AK3: variants seen among roughly 807,000 people sequenced by gnomAD.
AK3 encodes the protein GTP:AMP phosphotransferase AK3, mitochondrial.
Under a neutral mutation model 23.7 loss-of-function variants are expected in AK3, and 27 were observed. The observed-to-expected ratio is 1.14, with a 90% CI of 0.84 to 1.57. The LOEUF (loss-of-function observed/expected upper bound fraction) is 1.57, where lower values mean the gene tolerates loss of function less well. AK3 is among the 40% of genes most tolerant of loss of function. The pLI, the probability that AK3 is intolerant of heterozygous loss-of-function variation, is 0.00. For missense variants in AK3, 406 were observed against 285.6 expected (o/e 1.42, Z -3.04); for synonymous variants, 159 against 116.0 (o/e 1.37, Z -2.38).
chr9:4,721,262 G>A lies in AK3; in HGVS notation c.271+1244C>T, dbSNP rs549768159. Among the ~76,000 whole-genome samples the A allele has an allele frequency of 3.9e-4, 59 of 151,852 alleles. 1 individual carries two copies. The highest frequency in any genetic ancestry group is 1.4e-3 in the African/African-American group (58 of 41,430). The stretch of plus-strand genomic sequence containing the variant: ...TACTAAAAATACAAAAATTAGCCAC[G>A]TGTGCTGGTGGGCACCTGTAATCCC... On this transcript the variant is annotated intron_variant, in intron 2 of 4. Transcript: ENST00000381809.
At chr9:4,740,384 G>A (rs1458308724) in intron 1 of AK3, among the ~76,000 whole-genome samples, 1 of 151,952 alleles carries the variant, frequency 6.6e-6, no homozygotes. Context: ...CGAAATCTAA[G>A]GATATCAAAA....
chr9:4,711,261 C>G lies in AK3; in HGVS notation c.*1715G>C, dbSNP rs950691644. ...AGCAGGCCCTGTGAAGGACCAAGAA[C>G]AAAGTAATAGCCACAGTTATGAAAT... On this transcript the variant is annotated 3_prime_UTR_variant, in exon 5 of 5. Transcript: ENST00000381809. The G allele has an allele frequency of 2.0e-5, 3 of 152,572 alleles. No individual in the cohort carries two copies. Among genetic ancestry groups the G allele is most frequent in the African/African-American group, 7.2e-5 (3 of 41,432 alleles). The allele number at this position is 152,572 out of a possible 1,614,324, so 9.5% of individuals were successfully genotyped here. A position where few individuals can be genotyped will look rare whatever the true frequency, so the allele number is the denominator to read the frequency against.
Position 4,740,968 on chromosome 9 carries a change from G to C in AK3, c.120C>G (p.Asp40Glu), listed in dbSNP as rs1267674599. 2 of 1,583,706 alleles carry C rather than the reference G, an allele frequency of 1.3e-6. No individual in the cohort carries two copies. The highest frequency in any genetic ancestry group is 1.7e-6 in the Non-Finnish European group (2 of 1,167,364). ...HFELKHLSSGDLLRDNMLRGT... is the reference protein window; with the variant it reads ...HFELKHLSSGELLRDNMLRGT... ...CCCGCAGCATGTTGTCCCGGAGCAG[G>C]TCCCCGCTGGAGAGGTGCTTCAGCT... is the stretch of plus-strand genomic sequence containing the variant. Residue 40 changes from aspartate (D) to glutamate (E), a missense_variant, in exon 1 of 5, where the codon GAC becomes GAG. Transcript: ENST00000381809.
Position 4,719,271 on chromosome 9 carries a change from T to C in AK3, c.308A>G (p.Asp103Gly), listed in dbSNP as rs774668638. ...PRTLPQAEALDRAYQIDTVIN... is the reference protein window; with the variant it reads ...PRTLPQAEALGRAYQIDTVIN... ...CACTGTGTCGATCTGATAAGCTCTA[T>C]CTAGGGCTTCTGCCTGTGGAAGTGT... Residue 103 changes from aspartate (D) to glycine (G), a missense_variant, in exon 3 of 5, where the codon GAT becomes GGT. By Grantham distance (94) the Asp-to-Gly change is moderately conservative (BLOSUM62 -1). Transcript: ENST00000381809. 3 of 1,610,330 alleles carry C rather than the reference T, an allele frequency of 1.9e-6. No homozygotes were observed. In the South Asian group the frequency reaches 3.3e-5, roughly 18 times the overall value.
intron 2 of AK3, among the ~76,000 whole-genome samples, chr9:4,721,649 G>T (rs1373883348): frequency 6.6e-6 from 1 of 152,036 alleles, no homozygotes; most frequent in Non-Finnish European, 1.5e-5. Flanking sequence ...AGTAGAGATG[G>T]AGTTTCACCA....
rs1207318202 is a variant in AK3, at chr9:4,712,470, T to TACAATAAATCAA, written c.*505_*506insTTGATTTATTGT. 6.6e-6 allele frequency: 1 copy of TACAATAAATCAA among 152,374 alleles called. No individual in the cohort carries two copies. Among genetic ancestry groups the TACAATAAATCAA allele is most frequent in the African/African-American group, 2.4e-5 (1 of 41,470 alleles). 9.4% of individuals were successfully genotyped at this position (152,374 alleles called of 1,614,324 possible). A position where few individuals can be genotyped will look rare whatever the true frequency, so the allele number is the denominator to read the frequency against. ...GTGTAAAGGCAGCAGTGAATTTGTGTCTCACAATAAATCTGTAAATCCAGT... is the reference window on the plus strand; with the variant it reads ...GTGTAAAGGCAGCAGTGAATTTGTGTACAATAAATCAACTCACAATAAATCTGTAAATCCAGT... On this transcript the variant is annotated 3_prime_UTR_variant, in exon 5 of 5. Coordinates refer to ENST00000381809, the MANE Select transcript of AK3 (RefSeq NM_016282.4).
Position 4,712,798 on chromosome 9 carries a change from A to T in AK3, c.*178T>A. The T allele has an allele frequency of 1.6e-6, 1 of 628,774 alleles. No homozygotes were observed. Among genetic ancestry groups the T allele is most frequent in the Non-Finnish European group, 2.5e-6 (1 of 396,698 alleles). 38.9% of individuals were successfully genotyped at this position (628,774 alleles called of 1,614,324 possible). On this transcript the variant is annotated 3_prime_UTR_variant, in exon 5 of 5. Transcript: ENST00000381809. ...CACACTAGATGATTTCAAACGATGC[A>T]TCTTAGTATCCGAATCATTTGGCAC... is the stretch of plus-strand genomic sequence containing the variant.
rs553947890 is a variant in AK3 at position 4,723,314 on chromosome 9, T to C, written c.152-689A>G. Among the ~76,000 whole-genome samples, 180 of 152,328 alleles carry C rather than the reference T, an allele frequency of 1.2e-3. 2 individuals carry two copies. The highest frequency in any genetic ancestry group is 1.6e-3 in the Non-Finnish European group (109 of 68,040). On this transcript the variant is annotated intron_variant, in intron 1 of 4. Transcript: ENST00000381809. ...AAATTATTTTCTTTAAAAATAAGAA[T>C]CTGAAATCATCATTATTTTGAAATG...
intron 1 of AK3, among the ~76,000 whole-genome samples, chr9:4,728,560 A>T (rs1376119119): frequency 6.6e-6 from 1 of 152,138 alleles, no homozygotes; most frequent in African/African-American, 2.4e-5. Context: ...AACAGAGTGA[A>T]ACTGTGTCTC....
chr9:4,715,326 T>C (rs997869333), intron 4 of AK3, among the ~76,000 whole-genome samples: 1 of 149,388 alleles, frequency 6.7e-6, no homozygotes, highest in African/African-American at 2.5e-5. Flanking sequence ...TTCTAAAATA[T>C]CTCCTAAGAC....
intron 1 of AK3, among the ~76,000 whole-genome samples, chr9:4,740,058 T>TA (rs141239618): frequency 0.38 from 31,925 of 84,540 alleles, 4,610 homozygotes; most frequent in Admixed American, 0.44. Flanking sequence ...TTGCTATCCT[T>TA]ACAAAAAAAA....
At chr9:4,741,355 AAGCCG>A (rs1842431110), upstream of AK3, 1 of 281,122 alleles carries the variant, frequency 3.6e-6, no homozygotes, top group South Asian at 1.5e-4. Flanking sequence ...CAAGCCGCGC[AAGCCG>A]CGCCCCCTCT....
intron 1 of AK3, among the ~76,000 whole-genome samples, chr9:4,728,854 T>TACACACACACACAC (rs1408805790): frequency 1.1e-4 from 5 of 47,396 alleles, no homozygotes; most frequent in African/African-American, 2.1e-4. Flanking sequence ...TATATATATA[T>TACACACACACACAC]ATATATATAT....
intron 2 of AK3, among the ~76,000 whole-genome samples, chr9:4,721,146 C>A (rs1841884642): frequency 1.3e-5 from 2 of 152,088 alleles, no homozygotes; most frequent in African/African-American, 4.8e-5. Flanking sequence ...CTCATACTTG[C>A]AATCCCAGCA....
At chr9:4,735,481 T>A (rs796562081) in intron 1 of AK3, among the ~76,000 whole-genome samples, 2,688 of 88,266 alleles carry the variant, frequency 0.03, 315 homozygotes, top group African/African-American at 0.069. Flanking sequence ...TATATATATT[T>A]TTTTTTTTTT....
intron 1 of AK3, among the ~76,000 whole-genome samples, chr9:4,727,210 C>G (rs145500350): frequency 5.9e-5 from 9 of 152,298 alleles, no homozygotes; most frequent in African/African-American, 1.4e-4. Context: ...AAGTCACCAG[C>G]TGCATTAGTC....
chr9:4,717,754 T>C (rs1433775626), intron 4 of AK3, among the ~76,000 whole-genome samples: 2 of 152,236 alleles, frequency 1.3e-5, no homozygotes, highest in African/African-American at 4.8e-5. Flanking sequence ...TGTTAGATGA[T>C]TTCGCCCAAC....
chr9:4,736,853 T>C (rs572077113), intron 1 of AK3, among the ~76,000 whole-genome samples: 5 of 152,254 alleles, frequency 3.3e-5, no homozygotes, highest in African/African-American at 1.2e-4. Context: ...AATGTTTTTA[T>C]CTTTTGTAGA....
chr9:4,741,152 G>C lies in AK3; in HGVS notation c.-65C>G. On this transcript the variant is annotated 5_prime_UTR_variant, in exon 1 of 5. Coordinates refer to ENST00000381809, the MANE Select transcript of AK3 (RefSeq NM_016282.4). ...TTTGGCCTGGCCTGCGCGCTCACCC[G>C]CTCGGCAGCCTGCGCCGGCCGGCTA... 7 of 1,333,750 alleles carry C rather than the reference G, an allele frequency of 5.2e-6. No individual in the cohort carries two copies. The highest frequency in any genetic ancestry group is 6.7e-6 in the Non-Finnish European group (7 of 1,039,620). 82.6% of individuals were successfully genotyped at this position (1,333,750 alleles called of 1,614,324 possible).
Sources: allele counts gnomAD v4.1 joint callset (sites outside exome capture counted in the v4.1 genomes callset), GRCh38; gene constraint gnomAD v4.1.1; transcripts MANE v1.5; gene names NCBI Gene and HGNC (gene_info 2026-07-23, HGNC 2026-07-21).